Variants in CCDC91 observed in about 807,000 individuals in gnomAD.
CCDC91 encodes coiled-coil domain-containing protein 91.
A neutral mutation model predicts 63.2 loss-of-function variants in CCDC91; 48 were observed. That is an observed-to-expected ratio of 0.76 (90% CI 0.60 to 0.97). The LOEUF is 0.97. Among genes scored for constraint, CCDC91 ranks in the 50% least tolerant of loss-of-function variants. The pLI, the probability that CCDC91 is intolerant of heterozygous loss-of-function variation, is 0.00. For synonymous variants in CCDC91, 167 were observed against 165.8 expected, an observed-to-expected ratio of 1.01 and a Z score of -0.06; for missense variants, 500 against 494.6, an observed-to-expected ratio of 1.01 and a Z score of -0.10.
At chr12:28,207,569 G>T (rs748237252) in intron 1 of CCDC91, among the ~76,000 whole-genome samples, 12 of 152,234 alleles carry the variant, frequency 7.9e-5, no homozygotes, top group Non-Finnish European at 1.8e-4. Flanking sequence ...CAGAAAACAT[G>T]CATTGAAAAT....
intron 3 of CCDC91, among the ~76,000 whole-genome samples, chr12:28,282,942 G>C (rs146386851): frequency 6.6e-6 from 1 of 152,040 alleles, no homozygotes; most frequent in African/African-American, 2.4e-5. Flanking sequence ...AATTTTCCCA[G>C]TACTATTTAT....
In CCDC91 at chr12:28,481,177, A is replaced by G. The variant is rs138673395; in HGVS notation, c.1102-2875A>G. Among the ~76,000 whole-genome samples, 844 of 152,130 alleles carry G rather than the reference A, an allele frequency of 5.5e-3. 8 individuals are homozygous for G. Among genetic ancestry groups the G allele is most frequent in the African/African-American group, 0.02 (818 of 41,558 alleles). On this transcript the variant is annotated intron_variant, in intron 11 of 12. Coordinates refer to ENST00000536442, the MANE Select transcript of CCDC91 (RefSeq NM_018318.5). ...ATATATTTTTAGATAAAAACATTCC[A>G]ATATGACTGATGTATTTTCACAAAT...
chr12:28,276,526 G>A (rs143807446), intron 3 of CCDC91, among the ~76,000 whole-genome samples: 89 of 152,042 alleles, frequency 5.9e-4, no homozygotes, highest in African/African-American at 2.0e-3. Context: ...ATCATATACA[G>A]TGTGCAGTTC....
intron 8 of CCDC91, among the ~76,000 whole-genome samples, chr12:28,404,925 T>C (rs1946841106): frequency 6.6e-6 from 1 of 152,060 alleles, no homozygotes; most frequent in African/African-American, 2.4e-5. Context: ...GAGGGTCTTG[T>C]TTTTTGCTCT....
intron 8 of CCDC91, among the ~76,000 whole-genome samples, chr12:28,395,216 A>C (rs576754182): frequency 2.4e-4 from 37 of 152,306 alleles, no homozygotes; most frequent in African/African-American, 8.4e-4. Context: ...TACTGTTTCA[A>C]CTTACACTTT....
chr12:28,210,187 A>G (rs1565615740), intron 1 of CCDC91, among the ~76,000 whole-genome samples: 2 of 152,218 alleles, frequency 1.3e-5, no homozygotes, highest in Non-Finnish European at 2.9e-5. Context: ...CAGGGCTTTA[A>G]AGTCAAGGCA....
intron 7 of CCDC91, among the ~76,000 whole-genome samples, chr12:28,380,740 G>T (rs1945249213): frequency 6.6e-6 from 1 of 151,888 alleles, no homozygotes; most frequent in South Asian, 2.1e-4. Context: ...TTTGTAAAGG[G>T]CATATTTCTT....
At chr12:28,462,251 A>G (rs571902035) in intron 11 of CCDC91, among the ~76,000 whole-genome samples, 11 of 152,242 alleles carry the variant, frequency 7.2e-5, no homozygotes, top group African/African-American at 2.4e-4. Context: ...TGAGAGTGTT[A>G]TTATCCCATC....
At chr12:28,243,534 TTTAAA>T (rs1565661838) in intron 1 of CCDC91, among the ~76,000 whole-genome samples, 1 of 152,180 alleles carries the variant, frequency 6.6e-6, no homozygotes. Flanking sequence ...AGTGGGAAAT[TTTAAA>T]TTAACATTTG....
At chr12:28,238,667 C>T (rs909918131) in intron 1 of CCDC91, among the ~76,000 whole-genome samples, 1 of 152,046 alleles carries the variant, frequency 6.6e-6, no homozygotes, top group African/African-American at 2.4e-5. Flanking sequence ...TTATGTCTAT[C>T]AGTAGGGGAA....
chr12:28,534,614 A>G (rs533606346), intron 12 of CCDC91, among the ~76,000 whole-genome samples: 6 of 152,302 alleles, frequency 3.9e-5, no homozygotes, highest in East Asian at 3.9e-4. Context: ...GGAGGCCTCA[A>G]TCCTTCGATT....
At chr12:28,546,999 C>T (rs1943035237) in intron 12 of CCDC91, among the ~76,000 whole-genome samples, 1 of 152,028 alleles carries the variant, frequency 6.6e-6, no homozygotes, top group Non-Finnish European at 1.5e-5. Flanking sequence ...TTATGAAATA[C>T]AGTTAAGCAA....
At chr12:28,397,629 A>G (rs982897639) in intron 8 of CCDC91, among the ~76,000 whole-genome samples, 2 of 152,170 alleles carry the variant, frequency 1.3e-5, no homozygotes, top group African/African-American at 4.8e-5. Flanking sequence ...TATAGATGTA[A>G]ATATAATTTT....
intron 3 of CCDC91, among the ~76,000 whole-genome samples, chr12:28,293,628 C>T (rs1427462018): frequency 1.3e-5 from 2 of 152,064 alleles, no homozygotes; most frequent in Non-Finnish European, 2.9e-5. Context: ...TTTATGAAAA[C>T]ATTAGTTTCT....
intron 3 of CCDC91, among the ~76,000 whole-genome samples, chr12:28,283,151 C>A (rs537261840): frequency 3.1e-4 from 46 of 150,252 alleles, no homozygotes; most frequent in African/African-American, 1.1e-3. Flanking sequence ...GTGATACCTT[C>A]AGATTTTTCC....
chr12:28,192,554 G>C (rs1384546431), intron 1 of CCDC91, among the ~76,000 whole-genome samples: 5 of 151,980 alleles, frequency 3.3e-5, no homozygotes, highest in Non-Finnish European at 5.9e-5. Context: ...ATTGAAAAAG[G>C]CATCTCTCTT....
chr12:28,290,878 GT>G (rs1949206615), intron 3 of CCDC91, among the ~76,000 whole-genome samples: 1 of 152,048 alleles, frequency 6.6e-6, no homozygotes, highest in African/African-American at 2.4e-5. Flanking sequence ...AAAATGTTAA[GT>G]TTTTTGTAAA....
intron 1 of CCDC91, among the ~76,000 whole-genome samples, chr12:28,255,275 A>G (rs1371435209): frequency 1.3e-5 from 2 of 152,210 alleles, no homozygotes; most frequent in African/African-American, 4.8e-5. Flanking sequence ...ACTTAAGAAA[A>G]CACACAGAAG....
intron 1 of CCDC91, among the ~76,000 whole-genome samples, chr12:28,196,974 A>G (rs1406036211): frequency 6.6e-6 from 1 of 152,134 alleles, no homozygotes; most frequent in Non-Finnish European, 1.5e-5. Flanking sequence ...CCCATCATTT[A>G]ATGATTTTCT....
Sources: allele counts gnomAD v4.1 joint callset (sites outside exome capture counted in the v4.1 genomes callset), GRCh38; gene constraint gnomAD v4.1.1; transcripts MANE v1.5; gene names NCBI Gene and HGNC (gene_info 2026-07-23, HGNC 2026-07-21).